The following HPSE2 variants were observed in gnomAD, a reference collection of about 807,000 sequenced individuals.
HPSE2 encodes inactive heparanase-2.
A neutral mutation model predicts 60.5 loss-of-function variants in HPSE2; 38 were observed. That is an observed-to-expected ratio of 0.63 (90% CI 0.48 to 0.82). HPSE2 has a LOEUF of 0.82. Among genes scored for constraint, HPSE2 ranks in the 40% least tolerant of loss-of-function variants. HPSE2 has a pLI of 0.00. For missense variants in HPSE2, 713 were observed against 740.4 expected, an observed-to-expected ratio of 0.96 and a Z score of 0.43; for synonymous variants, 295 against 293.2, an observed-to-expected ratio of 1.01 and a Z score of -0.06.
At chr10:98,964,864 C>T (rs1362550954) in intron 3 of HPSE2, among the ~76,000 whole-genome samples, 1 of 152,068 alleles carries the variant, frequency 6.6e-6, no homozygotes, top group Non-Finnish European at 1.5e-5. Flanking sequence ...AATGCCAATC[C>T]CTGATTTATC....
At chr10:99,238,376 A>G (rs570545998), upstream of HPSE2, among the ~76,000 whole-genome samples, 2 of 152,328 alleles carry the variant, frequency 1.3e-5, no homozygotes, top group Admixed American at 1.3e-4. Context: ...TACTGACCTA[A>G]CTACTCTATA....
chr10:98,539,672 CCTT>C (rs1269795737), intron 9 of HPSE2, among the ~76,000 whole-genome samples: 1 of 152,172 alleles, frequency 6.6e-6, no homozygotes, highest in African/African-American at 2.4e-5. Flanking sequence ...CTCTGTATCT[CCTT>C]CTTTTTTTTG....
chr10:98,995,860 T>A (rs1401581203), intron 3 of HPSE2, among the ~76,000 whole-genome samples: 1 of 151,994 alleles, frequency 6.6e-6, no homozygotes, highest in Non-Finnish European at 1.5e-5. Context: ...AATGAGTACA[T>A]GAAAAGGTGA....
At chr10:98,660,391 A>G (rs1947189924) in intron 6 of HPSE2, among the ~76,000 whole-genome samples, 1 of 152,244 alleles carries the variant, frequency 6.6e-6, no homozygotes, top group Admixed American at 6.5e-5. Context: ...ATAGATGTAG[A>G]AACCCAGAGA....
chr10:98,464,695 T>C (rs1940452829), intron 11 of HPSE2, among the ~76,000 whole-genome samples: 1 of 152,236 alleles, frequency 6.6e-6, no homozygotes, highest in African/African-American at 2.4e-5. Flanking sequence ...AGCAAGTGAA[T>C]GGGCTTTTGA....
At chr10:99,036,347 T>G (rs1181815799) in intron 3 of HPSE2, among the ~76,000 whole-genome samples, 1 of 152,162 alleles carries the variant, frequency 6.6e-6, no homozygotes, top group Non-Finnish European at 1.5e-5. Context: ...TGGAGCATCT[T>G]GTGTTGCTAG....
At chr10:99,287,782 T>C in the HPSE2 span, among the ~76,000 whole-genome samples, 1 of 152,212 alleles carries the variant, frequency 6.6e-6, no homozygotes, top group Non-Finnish European at 1.5e-5. Context: ...TGTCTCAAGC[T>C]CATTCAGCCA....
chr10:98,912,297 A>T (rs1333152175), intron 3 of HPSE2, among the ~76,000 whole-genome samples: 1 of 152,200 alleles, frequency 6.6e-6, no homozygotes, highest in African/African-American at 2.4e-5. Flanking sequence ...GTAGAACAGA[A>T]TCTTCCAGCA....
intron 4 of HPSE2, among the ~76,000 whole-genome samples, chr10:98,730,444 C>T (rs566847030): frequency 2.3e-4 from 35 of 151,560 alleles, no homozygotes; most frequent in Non-Finnish European, 4.1e-4. Context: ...AAACTACACC[C>T]GAGCAAAACA....
At chr10:99,303,751 A>T in the HPSE2 span, among the ~76,000 whole-genome samples, 1 of 152,290 alleles carries the variant, frequency 6.6e-6, no homozygotes, top group Admixed American at 6.5e-5. Context: ...TGGTAACATG[A>T]TGCTGTGGGT....
intron 3 of HPSE2, among the ~76,000 whole-genome samples, chr10:98,835,855 A>C (rs886351252): frequency 2.0e-5 from 3 of 152,162 alleles, no homozygotes; most frequent in African/African-American, 7.2e-5. Context: ...GTCAAATAAA[A>C]TTTATGGGAG....
At chr10:98,557,998 T>C (rs1269123956) in intron 9 of HPSE2, among the ~76,000 whole-genome samples, 1 of 151,958 alleles carries the variant, frequency 6.6e-6, no homozygotes, top group African/African-American at 2.4e-5. Flanking sequence ...TGAACAGACA[T>C]CTCATAAAAG....
At chr10:99,123,454 C>T (rs1029692282) in intron 3 of HPSE2, among the ~76,000 whole-genome samples, 5 of 152,152 alleles carry the variant, frequency 3.3e-5, no homozygotes, top group East Asian at 1.9e-4. Flanking sequence ...GCCTGCTAGA[C>T]TAAAAAAGAT....
At chr10:99,161,697 A>T (rs1359664695) in intron 2 of HPSE2, among the ~76,000 whole-genome samples, 1 of 152,188 alleles carries the variant, frequency 6.6e-6, no homozygotes, top group African/African-American at 2.4e-5. Flanking sequence ...TATAGCTCCA[A>T]AAAAAGCTAT....
chr10:98,604,262 A>C (rs1945515044), intron 9 of HPSE2, among the ~76,000 whole-genome samples: 1 of 152,082 alleles, frequency 6.6e-6, no homozygotes, highest in South Asian at 2.1e-4. Flanking sequence ...ATGCAAAAGC[A>C]GATGAGCAAT....
intron 3 of HPSE2, among the ~76,000 whole-genome samples, chr10:98,860,233 G>A (rs1952423530): frequency 6.6e-6 from 1 of 152,104 alleles, no homozygotes. Flanking sequence ...ACATTCCCAG[G>A]TTGGCTGGCA....
intron 11 of HPSE2, among the ~76,000 whole-genome samples, chr10:98,478,318 G>C (rs1431434014): frequency 2.0e-5 from 3 of 152,148 alleles, no homozygotes; most frequent in African/African-American, 7.2e-5. Flanking sequence ...TCTAGTCATA[G>C]AGCCTCTTTG....
At chr10:99,097,626 T>TA (rs1843764145) in intron 3 of HPSE2, among the ~76,000 whole-genome samples, 1 of 152,198 alleles carries the variant, frequency 6.6e-6, no homozygotes, top group Non-Finnish European at 1.5e-5. Flanking sequence ...CTTTTAAAAT[T>TA]ATTTTCTTAA....
Position 98,511,122 on chromosome 10 carries a change from G to A in HPSE2, c.1321-20926C>T, listed in dbSNP as rs562749463. On this transcript the variant is annotated intron_variant, in intron 9 of 11. Transcript: ENST00000370552. ...AAAAGTATTTAATGAAGTATTTAAT[G>A]TGTTGCTGTTTTTTTTTTGTTTGTT... Among the ~76,000 whole-genome samples the A allele has an allele frequency of 1.1e-4, 12 of 112,872 alleles. No individual in the cohort carries two copies. The South Asian group carries it at 3.7e-3, about 35-fold the overall frequency. 74.0% of individuals were successfully genotyped at this position (112,872 alleles called of 152,430 possible).
Sources: gnomAD v4.1 joint callset for allele counts (sites outside exome capture counted in the v4.1 genomes callset) on GRCh38, gnomAD v4.1.1 for gene constraint, MANE v1.5 for transcripts, NCBI Gene and HGNC (gene_info 2026-07-23, HGNC 2026-07-21) for gene names.